WDR1: variants seen among roughly 807,000 people sequenced by gnomAD.
WDR1 encodes WD repeat-containing protein 1.
In WDR1, 21 loss-of-function variants were observed where a neutral mutation model predicts 71.9. That is an observed-to-expected ratio of 0.29 (90% CI 0.21 to 0.42). The LOEUF (loss-of-function observed/expected upper bound fraction) is 0.42. WDR1 is among the 10% of genes least tolerant of loss of function. WDR1 has a pLI of 1.00. For synonymous variants in WDR1, 424 were observed against 347.4 expected (o/e 1.22, Z -2.45); for missense variants, 696 against 824.5 (o/e 0.84, Z 1.91).
At chr4:10,104,183 T>C (rs1187331747) in intron 2 of WDR1, among the ~76,000 whole-genome samples, 197 bp from the exon 3 acceptor site, 2 of 152,230 alleles carry the variant, frequency 1.3e-5, no homozygotes, top group Admixed American at 1.3e-4. Flanking sequence ...TAGAATTTCA[T>C]GTTACTTTAA....
intron 14 of WDR1, 28 bp downstream of exon 14, chr4:10,077,276 C>G (rs753919743): frequency 1.9e-6 from 3 of 1,612,966 alleles, no homozygotes; most frequent in Non-Finnish European, 8.5e-7. Context: ...ATGGGTGGTC[C>G]CTGCCAAGGC....
chr4:10,085,308 C>T (rs1478764738), intron 8 of WDR1, among the ~76,000 whole-genome samples: 1 of 152,244 alleles, frequency 6.6e-6, no homozygotes, highest in Non-Finnish European at 1.5e-5. Context: ...CCACATGTTG[C>T]CACAATATGG....
At chr4:10,107,728 C>G (rs996835271) in intron 2 of WDR1, among the ~76,000 whole-genome samples, 2 of 152,208 alleles carry the variant, frequency 1.3e-5, no homozygotes, top group Admixed American at 6.5e-5. Context: ...TGCCACCACC[C>G]CTGGAGGAGT....
intron 3 of WDR1, among the ~76,000 whole-genome samples, chr4:10,100,659 T>C (rs907946130): frequency 3.3e-5 from 5 of 152,114 alleles, no homozygotes; most frequent in African/African-American, 1.2e-4. Context: ...AAGGGCCCAG[T>C]TCTCTGCACA....
At chr4:10,092,720 C>A in intron 5 of WDR1, 1 of 255,994 alleles carries the variant, frequency 3.9e-6, no homozygotes, top group South Asian at 4.1e-5. Context: ...CCAAAAAAAG[C>A]GAGGGCTAAA....
At position 10,085,928 on chromosome 4, in the gene WDR1, G is replaced by C. The variant is rs138388310; in HGVS notation, c.952-1398C>G. On this transcript the variant is annotated intron_variant, in intron 8 of 14. Coordinates refer to ENST00000499869, the MANE Select transcript of WDR1 (RefSeq NM_017491.5). ...CTGGCCCTTGGGGTTTTGGTGGAAG[G>C]GTGGGATGCTGGTTGCTTTTTTGGG... Among the ~76,000 whole-genome samples the C allele has an allele frequency of 1.7e-3, 260 of 152,316 alleles. 1 individual carries two copies. The highest frequency in any genetic ancestry group is 5.9e-3 in the African/African-American group (244 of 41,572).
Position 10,088,085 on chromosome 4 carries a change from C to T in WDR1, c.718-145G>A, listed in dbSNP as rs1259026448. 1.2e-5 allele frequency: 11 copies of T among 895,800 alleles called. No homozygotes were observed. In the Admixed American group the frequency reaches 1.7e-4, roughly 14 times the overall value. The allele number at this position is 895,800 out of a possible 1,614,324, so 55.5% of individuals were successfully genotyped here. On this transcript the variant is annotated intron_variant, in intron 7 of 14. Transcript: ENST00000499869. ...GGGACATGAGTGAGGCCAAGGACAA[C>T]ACCCGCCTCCAGGTCTCCCGTTCCA...
At chr4:10,086,596 G>C (rs373017504) in intron 8 of WDR1, among the ~76,000 whole-genome samples, 3 of 152,230 alleles carry the variant, frequency 2.0e-5, no homozygotes, top group Admixed American at 6.5e-5. Context: ...CGAGTGCACA[G>C]GCCCGGGGGC....
chr4:10,098,790 T>C (rs150853663), intron 4 of WDR1, among the ~76,000 whole-genome samples: 1,650 of 152,330 alleles, frequency 0.011, 20 homozygotes, highest in South Asian at 0.025. Flanking sequence ...TGCTGGGCCC[T>C]GGTGACAAAC....
At chr4:10,084,600 C>T (rs1765139043) in intron 8 of WDR1, 70 bp from the exon 9 acceptor site, 3 of 1,470,974 alleles carry the variant, frequency 2.0e-6, no homozygotes, top group East Asian at 2.3e-5. Flanking sequence ...CCGCTTTCCA[C>T]CAACGAAGCT....
intron 10 of WDR1, 28 bp downstream of exon 10, chr4:10,082,994 G>T (rs376015245): frequency 3.4e-5 from 54 of 1,590,168 alleles, no homozygotes; most frequent in African/African-American, 2.0e-4. Flanking sequence ...GGCTCATCCG[G>T]AACCCCCGCA....
At chr4:10,099,177 T>TGGGGGGG in intron 3 of WDR1, 38 bp from the exon 4 acceptor site, 1 of 374,340 alleles carries the variant, frequency 2.7e-6, no homozygotes, top group Non-Finnish European at 5.0e-6. Context: ...GGGGAGGCGG[T>TGGGGGGG]GGTGGGGTAA....
intron 12 of WDR1, 90 bp from the exon 13 acceptor site, chr4:10,078,016 C>G (rs1407840770): frequency 7.1e-7 from 1 of 1,414,562 alleles, no homozygotes; most frequent in Non-Finnish European, 9.4e-7. Flanking sequence ...GCTTAAGAAA[C>G]TGTGCCGTTC....
chr4:10,103,100 T>A (rs1436150023), intron 3 of WDR1, among the ~76,000 whole-genome samples: 1 of 152,144 alleles, frequency 6.6e-6, no homozygotes, highest in African/African-American at 2.4e-5. Context: ...TCTCCACCCC[T>A]GCCTCTGCCT....
intron 5 of WDR1, among the ~76,000 whole-genome samples, chr4:10,095,688 G>A (rs886466692): frequency 6.6e-6 from 1 of 152,214 alleles, no homozygotes; most frequent in Non-Finnish European, 1.5e-5. Flanking sequence ...TGCGTGGGCA[G>A]TTGAGTCCGC....
chr4:10,075,316 G>A lies in WDR1; in HGVS notation c.*62C>T. 2.0e-6 allele frequency: 3 copies of A among 1,474,742 alleles called. No homozygotes were observed. Among genetic ancestry groups the A allele is most frequent in the Admixed American group, 1.7e-5 (1 of 57,876 alleles). The allele number at this position is 1,474,742 out of a possible 1,614,324, so 91.4% of individuals were successfully genotyped here. A position where few individuals can be genotyped will look rare whatever the true frequency, so the allele number is the denominator to read the frequency against. ...CGTCACAGAAATAGAGAAATGACAT[G>A]TTCCGCTGCAGTTAAACTCTAGTCC... On this transcript the variant is annotated 3_prime_UTR_variant, in exon 15 of 15. Coordinates refer to ENST00000499869, the MANE Select transcript of WDR1 (RefSeq NM_017491.5).
At chr4:10,079,070 G>A (rs935490433) in intron 11 of WDR1, 69 bp from the exon 12 acceptor site, 5 of 1,316,680 alleles carry the variant, frequency 3.8e-6, no homozygotes, top group Non-Finnish European at 5.2e-6. Flanking sequence ...TGGTAGGAGG[G>A]GCGCGTCCCT....
intron 5 of WDR1, among the ~76,000 whole-genome samples, chr4:10,097,388 C>G (rs978343709): frequency 6.6e-6 from 1 of 152,262 alleles, no homozygotes; most frequent in East Asian, 1.9e-4. Context: ...AGGCTCCCCT[C>G]TCTAATGAGC....
chr4:10,112,036 C>T (rs1198291514), intron 2 of WDR1, among the ~76,000 whole-genome samples: 1 of 152,142 alleles, frequency 6.6e-6, no homozygotes, highest in Non-Finnish European at 1.5e-5. Context: ...CACAAGAGGG[C>T]CTCTGTTGTG....
Sources: gnomAD v4.1 joint callset for allele counts (sites outside exome capture counted in the v4.1 genomes callset) on GRCh38, gnomAD v4.1.1 for gene constraint, MANE v1.5 for transcripts, NCBI Gene and HGNC (gene_info 2026-07-23, HGNC 2026-07-21) for gene names.